COL6A5: variants seen among roughly 807,000 people sequenced by gnomAD.
COL6A5 encodes the protein collagen type VI alpha 5 chain.
In COL6A5, 48 loss-of-function variants were observed where a neutral mutation model predicts 65.6. The observed-to-expected ratio is 0.73, with a 90% CI of 0.58 to 0.93. The LOEUF (loss-of-function observed/expected upper bound fraction) is 0.93. Among genes scored for constraint, COL6A5 ranks in the 40% least tolerant of loss-of-function variants. COL6A5 has a pLI of 0.00. For synonymous variants in COL6A5, 291 were observed against 322.8 expected, an observed-to-expected ratio of 0.90 and a Z score of 1.05; for missense variants, 914 against 928.3, an observed-to-expected ratio of 0.98 and a Z score of 0.20.
At chr3:130,371,675 C>G (rs1935566566) in intron 1 of COL6A5, among the ~76,000 whole-genome samples, 1 of 152,056 alleles carries the variant, frequency 6.6e-6, no homozygotes, top group Non-Finnish European at 1.5e-5. Flanking sequence ...CACAAAACAA[C>G]TTAAAATGGG....
chr3:130,349,597 T>G (rs897463044), intron 1 of COL6A5, among the ~76,000 whole-genome samples: 1 of 152,190 alleles, frequency 6.6e-6, no homozygotes, highest in African/African-American at 2.4e-5. Flanking sequence ...ATAAAAACAT[T>G]GCCTAAGAAG....
intron 2 of COL6A5, 67 bp downstream of exon 2, chr3:130,373,772 A>G: frequency 1.1e-6 from 1 of 942,212 alleles, no homozygotes; most frequent in Non-Finnish European, 1.6e-6. Flanking sequence ...ACTTTAATAA[A>G]CAGCAAGAAA....
exon 17 of COL6A5, chr3:130,406,319 C>A: frequency 1.3e-6 from 2 of 1,547,762 alleles, no homozygotes; most frequent in South Asian, 2.4e-5. Flanking sequence ...TCCAGGATCT[C>A]AGGTAACACT....
chr3:130,406,079 C>T (rs367560266), intron 15 of COL6A5, 52 bp from the exon 16 acceptor site: 73 of 1,545,868 alleles, frequency 4.7e-5, no homozygotes, highest in South Asian at 3.8e-4. Context: ...TCCGAATAAG[C>T]GTGTGGCAGA....
intron 17 of COL6A5, among the ~76,000 whole-genome samples, chr3:130,407,291 G>C (rs551256815): frequency 6.6e-6 from 1 of 152,254 alleles, no homozygotes; most frequent in Admixed American, 6.5e-5. Flanking sequence ...GGTGGTGGTG[G>C]GAAGAGATCA....
At chr3:130,453,521 C>T (rs533947024) in intron 4 of COL6A5, among the ~76,000 whole-genome samples, 17 of 152,232 alleles carry the variant, frequency 1.1e-4, no homozygotes, top group African/African-American at 3.9e-4. Flanking sequence ...ACATATGATT[C>T]ATGTTTCATC....
At chr3:130,354,454 C>A (rs1029232579) in intron 1 of COL6A5, among the ~76,000 whole-genome samples, 1 of 152,054 alleles carries the variant, frequency 6.6e-6, no homozygotes, top group Non-Finnish European at 1.5e-5. Context: ...TACGTAGAAC[C>A]CAATCCCTTC....
chr3:130,471,070 G>GTTTT (rs766289122), intron 7 of COL6A5, 103 bp downstream of exon 39: 12 of 682,784 alleles, frequency 1.8e-5, no homozygotes, highest in Non-Finnish European at 3.0e-5. Context: ...CCAAGTGTGT[G>GTTTT]TTTTTGTGTG....
chr3:130,422,363 A>G (rs1006439836), intron 27 of COL6A5, among the ~76,000 whole-genome samples: 9 of 151,970 alleles, frequency 5.9e-5, no homozygotes, highest in African/African-American at 2.2e-4. Flanking sequence ...AACTTTTTTC[A>G]TAAATGTTTT....
chr3:130,363,357 T>C (rs992144848), intron 1 of COL6A5, among the ~76,000 whole-genome samples: 1 of 152,204 alleles, frequency 6.6e-6, no homozygotes, highest in Non-Finnish European at 1.5e-5. Flanking sequence ...AGTGGTAAGG[T>C]ATGGAGTGAG....
intron 2 of COL6A5, among the ~76,000 whole-genome samples, chr3:130,374,556 C>A (rs1935691541): frequency 6.6e-6 from 1 of 152,074 alleles, no homozygotes; most frequent in Non-Finnish European, 1.5e-5. Flanking sequence ...TCGGCTCAAG[C>A]AATCCTTCTG....
Position 130,403,514 on chromosome 3 carries a change from G to A in COL6A5, c.4228-95G>A, listed in dbSNP as rs968752432. 6 of 1,046,230 alleles carry A rather than the reference G, an allele frequency of 5.7e-6. No homozygotes were observed. The African/African-American group carries it at 9.6e-5, about 17-fold the overall frequency. 64.8% of individuals were successfully genotyped at this position (1,046,230 alleles called of 1,614,324 possible). A position where few individuals can be genotyped will look rare whatever the true frequency, so the allele number is the denominator to read the frequency against. On this transcript the variant is annotated intron_variant and NMD_transcript_variant, in intron 12 of 41. Coordinates refer to the COL6A5 transcript ENST00000312481. ...ATCTGCAGAAACTGCAACCAAGTTGGAGGAAGGGACTTGCTTAGAATGCCT... is the reference window on the plus strand; with the variant it reads ...ATCTGCAGAAACTGCAACCAAGTTGAAGGAAGGGACTTGCTTAGAATGCCT...
At chr3:130,455,964 T>C (rs900681587) in intron 5 of COL6A5, among the ~76,000 whole-genome samples, 2 of 152,096 alleles carry the variant, frequency 1.3e-5, no homozygotes, top group African/African-American at 4.8e-5. Context: ...AGCAGTATAG[T>C]GAACATCAGA....
intron 3 of COL6A5, among the ~76,000 whole-genome samples, chr3:130,443,103 C>T (rs1044155921): frequency 6.6e-5 from 10 of 152,118 alleles, no homozygotes; most frequent in Admixed American, 1.3e-4. Flanking sequence ...GAAACATTAC[C>T]TTGTCTCTGT....
exon 9 of COL6A5, chr3:130,397,810 G>T: frequency 6.4e-7 from 1 of 1,551,672 alleles, no homozygotes; most frequent in Non-Finnish European, 8.7e-7. Flanking sequence ...CTATCAGAAA[G>T]CAGTGTTTGA....
At chr3:130,418,294 T>C (rs1937414911) in intron 24 of COL6A5, among the ~76,000 whole-genome samples, 1 of 151,968 alleles carries the variant, frequency 6.6e-6, no homozygotes, top group African/African-American at 2.4e-5. Flanking sequence ...CTCACTAATG[T>C]CTTCCCTCTT....
intron 7 of COL6A5, among the ~76,000 whole-genome samples, chr3:130,476,307 AT>A (rs1170317872): frequency 6.6e-6 from 1 of 152,098 alleles, no homozygotes; most frequent in African/African-American, 2.4e-5. Context: ...TTATGACCTC[AT>A]TTAACCTTAA....
Position 130,388,645 on chromosome 3 carries a change from A to C in COL6A5, c.1927A>C (p.Asn643His), listed in dbSNP as rs775366042. Reference sequence around the variant, plus strand: ...CAGTTCTTGGAGTATAGGAAATGAAAATTTTAGGAAAATGAAAATCTTCAT... The same window carrying C: ...CAGTTCTTGGAGTATAGGAAATGAACATTTTAGGAAAATGAAAATCTTCAT... The change falls in exon 6 of 42, where the codon AAT becomes CAT. Residue 643 changes from asparagine (N) to histidine (H), a missense_variant and NMD_transcript_variant. Asn to His is a moderately conservative substitution (Grantham distance 68). Coordinates refer to the COL6A5 transcript ENST00000312481. The C allele has an allele frequency of 5.0e-5, 77 of 1,551,030 alleles. No individual in the cohort carries two copies. Among genetic ancestry groups the C allele is most frequent in the Non-Finnish European group, 6.1e-5 (70 of 1,146,662 alleles).
intron 25 of COL6A5, 124 bp from the exon 26 acceptor site, chr3:130,421,029 C>A: frequency 1.3e-6 from 1 of 795,570 alleles, no homozygotes; most frequent in Non-Finnish European, 2.0e-6. Flanking sequence ...TTCAAGGTCA[C>A]CAATTAGGCC....
Sources: gnomAD v4.1 joint callset for allele counts (sites outside exome capture counted in the v4.1 genomes callset) on GRCh38, gnomAD v4.1.1 for gene constraint, MANE v1.5 for transcripts, NCBI Gene and HGNC (gene_info 2026-07-23, HGNC 2026-07-21) for gene names.